Variants in CCDC178 observed in about 807,000 individuals in gnomAD.
The protein encoded by CCDC178 is coiled-coil domain containing 178, also known as coiled-coil domain-containing protein 178.
Under a neutral mutation model 117.4 loss-of-function variants are expected in CCDC178, and 126 were observed. That is an observed-to-expected ratio of 1.07 (90% CI 0.93 to 1.24). The LOEUF (loss-of-function observed/expected upper bound fraction) is 1.24, where lower values mean the gene tolerates loss of function less well. Ranked by LOEUF, CCDC178 falls within the 50% of genes most tolerant of loss-of-function variation. The pLI, the probability that CCDC178 is intolerant of heterozygous loss-of-function variation, is 0.00. For synonymous variants in CCDC178, 283 were observed against 313.4 expected (o/e 0.90, Z 1.02); for missense variants, 1,030 against 986.9 (o/e 1.04, Z -0.59).
At chr18:33,309,916 T>G (rs1381637479) in intron 11 of CCDC178, among the ~76,000 whole-genome samples, 3 of 148,810 alleles carry the variant, frequency 2.0e-5, no homozygotes, top group South Asian at 2.1e-4. Flanking sequence ...AAAATGATTG[T>G]TTTTTTTTTC....
chr18:32,966,686 A>C (rs1026165140), intron 22 of CCDC178, among the ~76,000 whole-genome samples: 3 of 151,852 alleles, frequency 2.0e-5, no homozygotes, highest in Non-Finnish European at 2.9e-5. Flanking sequence ...TGAGCTTCAC[A>C]CACAAATTTT....
chr18:33,072,231 A>G (rs1389466274), intron 21 of CCDC178, among the ~76,000 whole-genome samples: 1 of 152,164 alleles, frequency 6.6e-6, no homozygotes, highest in Non-Finnish European at 1.5e-5. Context: ...TAAATTAGGC[A>G]TATAAGCTAT....
At position 33,323,544 on chromosome 18, in the gene CCDC178, T is replaced by C; in HGVS notation, c.969A>G (p.Lys323=). 1 of 1,574,026 alleles carries C rather than the reference T, an allele frequency of 6.4e-7. No homozygotes were observed. The highest frequency in any genetic ancestry group is 1.4e-5 in the African/African-American group (1 of 73,262). The stretch of plus-strand genomic sequence containing the variant: ...GGTAAATATCCTTATCAATCTCTTC[T>C]TTAATTTGCTGAGCCTTCAATCTGG... ...ENARLKAQQI[K]EEIDKDIYQD... Residue 323 remains lysine, a synonymous_variant, in exon 11 of 23, where the codon AAA becomes AAG. Transcript: ENST00000383096.
chr18:33,403,323 T>C (rs1054665414), intron 3 of CCDC178, among the ~76,000 whole-genome samples: 6 of 152,210 alleles, frequency 3.9e-5, no homozygotes, highest in East Asian at 3.9e-4. Context: ...TTTCAGTGAG[T>C]GGCCACAGAG....
intron 20 of CCDC178, among the ~76,000 whole-genome samples, chr18:33,115,415 T>C (rs1187207291): frequency 6.6e-6 from 1 of 152,078 alleles, no homozygotes; most frequent in African/African-American, 2.4e-5. Context: ...ACCATCCTTT[T>C]TTCACTATTA....
At chr18:33,423,645 T>C (rs1398148100) in intron 2 of CCDC178, among the ~76,000 whole-genome samples, 1 of 152,150 alleles carries the variant, frequency 6.6e-6, no homozygotes, top group Non-Finnish European at 1.5e-5. Flanking sequence ...TGTGTGTGTT[T>C]TACCTTCAAG....
At chr18:33,210,079 CA>C (rs2059089651) in intron 20 of CCDC178, among the ~76,000 whole-genome samples, 1 of 151,994 alleles carries the variant, frequency 6.6e-6, no homozygotes, top group Non-Finnish European at 1.5e-5. Context: ...AGCATGTGGA[CA>C]GCAAAATTAT....
chr18:33,324,157 T>C (rs2062554936), intron 10 of CCDC178, among the ~76,000 whole-genome samples: 1 of 151,898 alleles, frequency 6.6e-6, no homozygotes. Flanking sequence ...TCAAACATCA[T>C]ACTAATGCTC....
At chr18:33,224,626 T>C (rs907610649) in intron 17 of CCDC178, 149 bp downstream of exon 17, 1 of 465,002 alleles carries the variant, frequency 2.2e-6, no homozygotes. Flanking sequence ...AGAGTTTCAC[T>C]GCAGATCAAG....
chr18:32,964,908 C>T (rs1405500229), intron 22 of CCDC178, among the ~76,000 whole-genome samples: 2 of 151,932 alleles, frequency 1.3e-5, no homozygotes, highest in East Asian at 3.9e-4. Flanking sequence ...TTTCATATGC[C>T]CCCCTCTCTA....
rs2059009961 is a variant in CCDC178 at position 33,202,990 on chromosome 18, A to G, written c.2238+8906T>C. ...TGAATAGTAGTAGATCATAGCATAT[A>G]TTCTTTTAGGAGGTTTTGAAAACAT... On this transcript the variant is annotated intron_variant, in intron 20 of 22. Transcript: ENST00000383096. Among the ~76,000 whole-genome samples, 4 of 152,310 alleles carry G rather than the reference A, an allele frequency of 2.6e-5. No homozygotes were observed. The Middle Eastern group carries it at 0.014, about 518-fold the overall frequency.
At chr18:33,030,336 C>A (rs189689793) in intron 21 of CCDC178, among the ~76,000 whole-genome samples, 16 of 151,998 alleles carry the variant, frequency 1.1e-4, no homozygotes, top group Non-Finnish European at 1.9e-4. Context: ...TTACTTTTGA[C>A]CTATTTGTAT....
intron 20 of CCDC178, among the ~76,000 whole-genome samples, chr18:33,097,212 T>C (rs541555628): frequency 3.5e-4 from 54 of 152,196 alleles, no homozygotes; most frequent in African/African-American, 1.2e-3. Context: ...GGCCCTCTCT[T>C]TGAGGGCATT....
At chr18:33,174,620 A>C (rs1023324497) in intron 20 of CCDC178, among the ~76,000 whole-genome samples, 1 of 152,182 alleles carries the variant, frequency 6.6e-6, no homozygotes, top group African/African-American at 2.4e-5. Flanking sequence ...ACCTGAGGAT[A>C]AGACAAATCC....
intron 11 of CCDC178, among the ~76,000 whole-genome samples, chr18:33,296,449 T>C (rs2062107201): frequency 6.6e-6 from 1 of 152,002 alleles, no homozygotes; most frequent in African/African-American, 2.4e-5. Context: ...ATTAGGCTTA[T>C]CTCAATTTCC....
upstream of CCDC178, chr18:33,440,853 C>T (rs989647330): frequency 1.3e-5 from 2 of 152,910 alleles, no homozygotes; most frequent in African/African-American, 4.8e-5. Context: ...GTTTCGGCGC[C>T]CGATCAGCGC....
At chr18:33,320,867 G>A (rs893583001) in intron 11 of CCDC178, among the ~76,000 whole-genome samples, 4 of 152,158 alleles carry the variant, frequency 2.6e-5, no homozygotes, top group Non-Finnish European at 4.4e-5. Context: ...AACCAAAACA[G>A]CATGGTACTG....
intron 11 of CCDC178, among the ~76,000 whole-genome samples, chr18:33,298,494 G>A (rs572391987): frequency 1.8e-4 from 27 of 152,210 alleles, no homozygotes; most frequent in Non-Finnish European, 3.1e-4. Flanking sequence ...TAATACAGGG[G>A]CCATATATGA....
intron 20 of CCDC178, among the ~76,000 whole-genome samples, chr18:33,143,554 G>A (rs2058234673): frequency 6.6e-6 from 1 of 152,062 alleles, no homozygotes; most frequent in Non-Finnish European, 1.5e-5. Context: ...TTCAACTTTG[G>A]TAGGATTCCA....
Sources: allele counts gnomAD v4.1 joint callset (sites outside exome capture counted in the v4.1 genomes callset), GRCh38; gene constraint gnomAD v4.1.1; transcripts MANE v1.5; gene names NCBI Gene and HGNC (gene_info 2026-07-23, HGNC 2026-07-21).